The following ADGRL2 variants were observed in gnomAD, a reference collection of about 807,000 sequenced individuals.
The protein encoded by ADGRL2 is calcium-independent alpha-latrotoxin receptor 2.
A neutral mutation model predicts 157.4 loss-of-function variants in ADGRL2; 44 were observed. That is an observed-to-expected ratio of 0.28 (90% confidence interval 0.22 to 0.36). The LOEUF (loss-of-function observed/expected upper bound fraction) is 0.36, where lower values mean the gene tolerates loss of function less well. Among genes scored for constraint, ADGRL2 ranks in the 10% least tolerant of loss-of-function variants. The pLI is 1.00. For missense variants in ADGRL2, 1,510 were observed against 1,768.9 expected, an observed-to-expected ratio of 0.85 and a Z score of 2.63; for synonymous variants, 585 against 624.7, an observed-to-expected ratio of 0.94 and a Z score of 0.95.
intron 1 of ADGRL2, among the ~76,000 whole-genome samples, chr1:81,823,390 C>T (rs1229847165): frequency 7.8e-6 from 1 of 128,116 alleles, no homozygotes; most frequent in African/African-American, 2.9e-5. Context: ...TCTTTCCTTC[C>T]CTCCCCCTCT....
At chr1:81,816,865 G>C (rs2090452954) in intron 1 of ADGRL2, among the ~76,000 whole-genome samples, 2 of 151,508 alleles carry the variant, frequency 1.3e-5, no homozygotes, top group South Asian at 4.2e-4. Context: ...ATAAGCTTCA[G>C]TATTCAGTAT....
chr1:81,954,719 C>T (rs1345872242), intron 10 of ADGRL2, among the ~76,000 whole-genome samples: 2 of 152,170 alleles, frequency 1.3e-5, no homozygotes, highest in Non-Finnish European at 2.9e-5. Context: ...GTATCTTCCA[C>T]CTGCCAGGAA....
At chr1:81,422,333 C>T (rs1014037434) in intron 1 of ADGRL2, among the ~76,000 whole-genome samples, 3 of 152,184 alleles carry the variant, frequency 2.0e-5, no homozygotes, top group Non-Finnish European at 4.4e-5. Flanking sequence ...CAATCTCCAC[C>T]TCCTGAATTC....
At chr1:81,337,402 A>G (rs1417553553) in intron 1 of ADGRL2, among the ~76,000 whole-genome samples, 1 of 152,254 alleles carries the variant, frequency 6.6e-6, no homozygotes, top group East Asian at 1.9e-4. Flanking sequence ...GGTGCCCCGA[A>G]GCGCTCATCC....
At chr1:81,340,076 TAATA>T (rs1661956270) in intron 1 of ADGRL2, among the ~76,000 whole-genome samples, 1 of 152,196 alleles carries the variant, frequency 6.6e-6, no homozygotes, top group Non-Finnish European at 1.5e-5. Flanking sequence ...GAAAATTCTT[TAATA>T]AATGAATGAA....
At chr1:81,393,160 T>C (rs2076590089) in intron 1 of ADGRL2, among the ~76,000 whole-genome samples, 1 of 152,114 alleles carries the variant, frequency 6.6e-6, no homozygotes, top group African/African-American at 2.4e-5. Flanking sequence ...AGTTCCCTAC[T>C]CTCTCATTAG....
chr1:81,784,944 G>T (rs903798058), intron 2 of ADGRL2, among the ~76,000 whole-genome samples: 1 of 152,062 alleles, frequency 6.6e-6, no homozygotes, highest in Admixed American at 6.6e-5. Flanking sequence ...AGTAAAAAGG[G>T]AGAGAAGACA....
At chr1:81,957,378 T>C (rs1653860020) in intron 11 of ADGRL2, among the ~76,000 whole-genome samples, 1 of 152,202 alleles carries the variant, frequency 6.6e-6, no homozygotes, top group African/African-American at 2.4e-5. Flanking sequence ...ACATTTTTTC[T>C]AGTACCTATG....
chr1:81,397,976 T>C (rs2076686857), intron 1 of ADGRL2, among the ~76,000 whole-genome samples: 1 of 152,210 alleles, frequency 6.6e-6, no homozygotes, highest in East Asian at 1.9e-4. Context: ...ATAACATTTG[T>C]TTTATATATC....
intron 2 of ADGRL2, among the ~76,000 whole-genome samples, chr1:81,856,272 T>TATCTGGGGTACTTCACCCA (rs2093199579): frequency 6.6e-6 from 1 of 152,178 alleles, no homozygotes; most frequent in South Asian, 2.1e-4. Context: ...TGTTTTAGGA[T>TATCTGGGGTACTTCACCCA]ATCTGGGGTA....
intron 2 of ADGRL2, among the ~76,000 whole-genome samples, chr1:81,892,998 T>G (rs2094302319): frequency 6.6e-6 from 1 of 152,158 alleles, no homozygotes; most frequent in Admixed American, 6.6e-5. Flanking sequence ...GAAGTTCATT[T>G]GTAAAGAAAC....
In ADGRL2 at chr1:81,943,770, GTAAGCGTGTTTACTTGCTAATGCT is replaced by G. The variant is rs1462049429; in HGVS notation, c.1210+4_1210+27del. Reference sequence around the variant, plus strand: ...TTTGGTCCACCTGATCCTGCCCAAGGTAAGCGTGTTTACTTGCTAATGCTTATGTCATTTTGTGAAAAGCATTTT... The same window carrying G: ...TTTGGTCCACCTGATCCTGCCCAAGGTATGTCATTTTGTGAAAAGCATTTT... On this transcript the variant is annotated splice_donor_variant and splice_donor_5th_base_variant and intron_variant, in intron 6 of 23. Transcript: ENST00000686636. LOFTEE classifies it high-confidence loss of function. This position sits in a 1 kb window ranked among gnomAD's most constrained non-coding sequence, Gnocchi z 5.6. 1 of 1,608,780 alleles carries G rather than the reference GTAAGCGTGTTTACTTGCTAATGCT, an allele frequency of 6.2e-7. No individual in the cohort carries two copies. Among genetic ancestry groups the G allele is most frequent in the East Asian group, 2.2e-5 (1 of 44,762 alleles).
At chr1:81,882,089 G>C (rs939316162) in intron 2 of ADGRL2, among the ~76,000 whole-genome samples, 1 of 152,160 alleles carries the variant, frequency 6.6e-6, no homozygotes, top group East Asian at 1.9e-4. Context: ...TTGATTTTAA[G>C]TATATGAAGA....
At chr1:81,516,891 T>C (rs1481630547) in intron 2 of ADGRL2, among the ~76,000 whole-genome samples, 4 of 152,152 alleles carry the variant, frequency 2.6e-5, no homozygotes. Context: ...GGTGCTTATA[T>C]GTTCTACATG....
At chr1:81,968,596 G>T (rs1657827127) in intron 14 of ADGRL2, among the ~76,000 whole-genome samples, 1 of 152,120 alleles carries the variant, frequency 6.6e-6, no homozygotes, top group Non-Finnish European at 1.5e-5. Context: ...TGCACATTGT[G>T]CAAAGCTGCA....
chr1:81,351,771 CT>C (rs1309014484), intron 1 of ADGRL2, among the ~76,000 whole-genome samples: 6 of 152,288 alleles, frequency 3.9e-5, no homozygotes, highest in Non-Finnish European at 7.4e-5. Context: ...CTGTTAGCGA[CT>C]GTACTTGCTT....
chr1:81,721,750 G>A (rs1041023328), intron 1 of ADGRL2: 20 of 1,423,894 alleles, frequency 1.4e-5, no homozygotes, highest in Admixed American at 1.2e-4. Flanking sequence ...AGCAGGATCC[G>A]AGCATTCTGC....
At chr1:81,476,821 G>C (rs1479426815) in intron 2 of ADGRL2, among the ~76,000 whole-genome samples, 1 of 152,014 alleles carries the variant, frequency 6.6e-6, no homozygotes, top group African/African-American at 2.4e-5. Context: ...ATTGACTATA[G>C]ATATCCTCTC....
At chr1:81,845,812 C>G (rs376564160) in intron 2 of ADGRL2, among the ~76,000 whole-genome samples, 12 of 151,606 alleles carry the variant, frequency 7.9e-5, no homozygotes, top group African/African-American at 2.7e-4. Flanking sequence ...GAGAGAAATT[C>G]GTAGTATAAC....
Sources: allele counts gnomAD v4.1 joint callset (sites outside exome capture counted in the v4.1 genomes callset), GRCh38; gene constraint gnomAD v4.1.1; non-coding constraint Gnocchi (gnomAD v3.1); transcripts MANE v1.5; gene names NCBI Gene and HGNC (gene_info 2026-07-23, HGNC 2026-07-21).